The following FAM199X variants were observed in gnomAD, a reference collection of about 807,000 sequenced individuals.
FAM199X encodes family with sequence similarity 199, X-linked.
A neutral mutation model predicts 22.9 loss-of-function variants in FAM199X; 4 were observed. The observed-to-expected ratio is 0.17, with a 90% CI of 0.09 to 0.40. The LOEUF is 0.40. FAM199X is among the 10% of genes least tolerant of loss of function. The probability of loss-of-function intolerance (pLI) is 1.00; values close to 1 mark genes in which losing one functional copy is unlikely to be tolerated. For missense variants in FAM199X, 183 were observed against 306.8 expected (o/e 0.60, Z 3.01); for synonymous variants, 101 against 112.3 (o/e 0.90, Z 0.64).
intron 4 of FAM199X, among the ~76,000 whole-genome samples, chrX:104,187,345 G>T (rs782773509): frequency 8.9e-6 from 1 of 111,880 alleles, no homozygotes; most frequent in East Asian, 2.8e-4. Context: ...GCCTCCCAAA[G>T]TGCTGGGATT....
chrX:104,180,136 A>G (rs1921609528), intron 2 of FAM199X, among the ~76,000 whole-genome samples: 1 of 107,942 alleles, frequency 9.3e-6, no homozygotes, highest in Non-Finnish European at 1.9e-5. Context: ...CACCACAACA[A>G]CCAGCTATTT....
chrX:104,169,167 G>A (rs970292951), intron 1 of FAM199X, among the ~76,000 whole-genome samples: 7 of 111,528 alleles, frequency 6.3e-5, no homozygotes, highest in Non-Finnish European at 1.1e-4. Context: ...ATCATATATC[G>A]GGCAAAGTTT....
At chrX:104,157,383 T>C in the FAM199X span, among the ~76,000 whole-genome samples, 1 of 111,321 alleles carries the variant, frequency 9.0e-6, no homozygotes, top group East Asian at 2.8e-4. Flanking sequence ...TCCTTTTGGT[T>C]CTTGTCTGAC....
At chrX:104,161,515 AT>A (rs782070178), upstream of FAM199X, among the ~76,000 whole-genome samples, 1 of 112,086 alleles carries the variant, frequency 8.9e-6, no homozygotes, top group East Asian at 2.8e-4. Context: ...ACTGGATAGA[AT>A]TTTACGGGGG....
At chrX:104,161,720 A>T (rs112097650), upstream of FAM199X, among the ~76,000 whole-genome samples, 53 of 110,525 alleles carry the variant, frequency 4.8e-4, no homozygotes, top group African/African-American at 1.7e-3. Flanking sequence ...TCATGCCTAT[A>T]ATCCCAGCTA....
intron 2 of FAM199X, among the ~76,000 whole-genome samples, chrX:104,182,772 T>C (rs1317305638): frequency 8.9e-6 from 1 of 111,755 alleles, no homozygotes; most frequent in Admixed American, 9.5e-5. Context: ...TGCTGCTTTT[T>C]TAAGGGTCCA....
Position 104,189,603 on chromosome X carries a change from G to A in FAM199X, c.997-5G>A. The A allele has an allele frequency of 8.3e-7, 1 of 1,210,766 alleles. No individual in the cohort carries two copies. The highest frequency in any genetic ancestry group is 1.1e-6 in the Non-Finnish European group (1 of 895,163). On this transcript the variant is annotated splice_region_variant and splice_polypyrimidine_tract_variant and intron_variant, in intron 5 of 5. Coordinates refer to ENST00000493442, the MANE Select transcript of FAM199X (RefSeq NM_207318.4). ...AAACTGATTTAGAAATTTTTATTTT[G>A]ACAGAAGCGATCCAAGCAGCGGAAG...
In FAM199X at chrX:104,188,607, C is replaced by CA. The variant is rs1215584273; in HGVS notation, c.996+302dup. 7.1e-5 allele frequency among the ~76,000 whole-genome samples: 8 copies of CA among 112,216 alleles called. No homozygotes were observed. The East Asian group carries it at 2.2e-3, about 31-fold the overall frequency. Reference sequence around the variant, plus strand: ...CAAGATTGCAATATTGACTGCAACTCACTACTGAGCGAATCTCACTACGTT... The same window carrying CA: ...CAAGATTGCAATATTGACTGCAACTCAACTACTGAGCGAATCTCACTACGTT... On this transcript the variant is annotated intron_variant, in intron 5 of 5. Transcript: ENST00000493442.
intron 2 of FAM199X, among the ~76,000 whole-genome samples, chrX:104,183,334 A>G (rs1050741890): frequency 9.1e-6 from 1 of 109,964 alleles, no homozygotes; most frequent in Middle Eastern, 4.7e-3. Flanking sequence ...CTTTTTTGCA[A>G]TTAAAGGCTG....
chrX:104,172,441 A>G (rs1340072603), intron 1 of FAM199X, among the ~76,000 whole-genome samples: 1 of 109,910 alleles, frequency 9.1e-6, no homozygotes, highest in East Asian at 2.8e-4. Flanking sequence ...AGGAAGATAT[A>G]AAAAATGTTA....
intron 1 of FAM199X, among the ~76,000 whole-genome samples, chrX:104,167,492 C>CCCG (rs1237662895): frequency 9.1e-6 from 1 of 110,027 alleles, no homozygotes; most frequent in Non-Finnish European, 1.9e-5. Flanking sequence ...TCCTGTTCCC[C>CCCG]CCGCCGCCAC....
At chrX:104,171,301 A>G (rs1921346768) in intron 1 of FAM199X, among the ~76,000 whole-genome samples, 2 of 110,760 alleles carry the variant, frequency 1.8e-5, no homozygotes, top group Admixed American at 1.9e-4. Flanking sequence ...AAGCCTAGTT[A>G]TTGAGTTAAA....
chrX:104,176,324 T>C (rs1556376448), intron 2 of FAM199X, among the ~76,000 whole-genome samples: 1 of 112,306 alleles, frequency 8.9e-6, no homozygotes, highest in African/African-American at 3.2e-5. Context: ...TGACACTTTT[T>C]TCTTGTGGCA....
upstream of FAM199X, among the ~76,000 whole-genome samples, chrX:104,165,691 G>C (rs1227584968): frequency 4.5e-5 from 5 of 110,825 alleles, no homozygotes; most frequent in East Asian, 2.8e-4. Flanking sequence ...CCAGAATATA[G>C]AGAAGAGAGA....
intron 4 of FAM199X, among the ~76,000 whole-genome samples, chrX:104,187,369 G>A (rs190096832): frequency 3.6e-5 from 4 of 111,958 alleles, no homozygotes; most frequent in Middle Eastern, 4.6e-3. Context: ...GGCGTGAGCC[G>A]CTGCACCTGG....
intron 1 of FAM199X, 34 bp downstream of exon 1, chrX:104,167,016 T>C (rs1556374146): frequency 9.3e-7 from 1 of 1,079,687 alleles, no homozygotes; most frequent in African/African-American, 1.9e-5. Context: ...GGGTGGATTT[T>C]CCACTTCTGG....
intron 1 of FAM199X, among the ~76,000 whole-genome samples, chrX:104,167,816 TG>T (rs1419179436): frequency 9.2e-6 from 1 of 108,494 alleles, no homozygotes; most frequent in Non-Finnish European, 1.9e-5. Context: ...GATCAAATCT[TG>T]GGGGGTGGGT....
chrX:104,174,704 T>C, intron 1 of FAM199X, among the ~76,000 whole-genome samples: 1 of 111,854 alleles, frequency 8.9e-6, no homozygotes, highest in Non-Finnish European at 1.9e-5. Context: ...GGAAAATGTT[T>C]AGCATATTAA....
rs910811217 is a variant in FAM199X at position 104,187,144 on chromosome X, C to T, written c.729+523C>T. ...AGAGTCTCACTCTGGAGTGCAGTGACGCGATCTCGGCTCACTGCAACCTCC... is the reference window on the plus strand; with the variant it reads ...AGAGTCTCACTCTGGAGTGCAGTGATGCGATCTCGGCTCACTGCAACCTCC... On this transcript the variant is annotated intron_variant, in intron 4 of 5. Coordinates refer to ENST00000493442, the MANE Select transcript of FAM199X (RefSeq NM_207318.4). Among the ~76,000 whole-genome samples, 90 of 106,375 alleles carry T rather than the reference C, an allele frequency of 8.5e-4. 1 individual carries two copies. The highest frequency in any genetic ancestry group is 2.9e-3 in the African/African-American group (83 of 28,910). The allele number at this position is 106,375 out of a possible 115,157, so 92.4% of individuals were successfully genotyped here.
Sources: allele counts gnomAD v4.1 joint callset (sites outside exome capture counted in the v4.1 genomes callset), GRCh38; gene constraint gnomAD v4.1.1; transcripts MANE v1.5; gene names NCBI Gene and HGNC (gene_info 2026-07-23, HGNC 2026-07-21).